G2E3: variants seen among roughly 807,000 people sequenced by gnomAD.
The protein encoded by G2E3 is G2/M-phase specific E3 ubiquitin protein ligase.
Under a neutral mutation model 92.8 loss-of-function variants are expected in G2E3, and 35 were observed. The ratio of observed to expected loss-of-function variants is 0.38; its 90% CI spans 0.29 to 0.50. The LOEUF (loss-of-function observed/expected upper bound fraction) is 0.50. Among genes scored for constraint, G2E3 ranks in the 20% least tolerant of loss-of-function variants. G2E3 has a pLI of 0.94. For missense variants in G2E3, 554 were observed against 823.8 expected (o/e 0.67, Z 4.01); for synonymous variants, 242 against 272.4 (o/e 0.89, Z 1.10).
Position 30,605,487 on chromosome 14 carries a change from T to C in G2E3, c.1011-18T>C, listed in dbSNP as rs935440743. ...ACTTTAAAGTACTTATCTCTATATT[T>C]AAATTCATGTTTTATAGGCAAGGCA... On this transcript the variant is annotated intron_variant, in intron 10 of 14. Transcript: ENST00000206595. 1.9e-6 allele frequency: 2 copies of C among 1,047,430 alleles called. No homozygotes were observed. The highest frequency in any genetic ancestry group is 2.1e-4 in the Middle Eastern group (1 of 4,678). The allele number at this position is 1,047,430 out of a possible 1,614,324, so 64.9% of individuals were successfully genotyped here.
At position 30,615,302 on chromosome 14, in the gene G2E3, C is replaced by T. The variant is rs1286457716; in HGVS notation, c.1674-47C>T. 7 of 948,450 alleles carry T rather than the reference C, an allele frequency of 7.4e-6. No individual in the cohort carries two copies. In the South Asian group the frequency reaches 1.1e-4, roughly 15 times the overall value. 58.8% of individuals were successfully genotyped at this position (948,450 alleles called of 1,614,324 possible). A position where few individuals can be genotyped will look rare whatever the true frequency, so the allele number is the denominator to read the frequency against. Reference sequence around the variant, plus strand: ...CTGGAAATATTCCCTAATATAATACCAAACACACATGTATGAATGTTGGCT... The same window carrying T: ...CTGGAAATATTCCCTAATATAATACTAAACACACATGTATGAATGTTGGCT... On this transcript the variant is annotated intron_variant, in intron 13 of 14. Transcript: ENST00000206595.
Position 30,602,077 on chromosome 14 carries a change from C to G in G2E3, c.956C>G (p.Ser319Ter). The change falls in exon 10 of 15, where the codon TCA (serine) becomes TGA (stop). Residue 319 changes from serine to a stop codon, truncating the protein, a stop_gained. Coordinates refer to ENST00000206595, the MANE Select transcript of G2E3 (RefSeq NM_017769.5). LOFTEE classifies it high-confidence loss of function. ...ATTACAGATTGTTTGTTGGAAGAGTCATCACCTAAATTACCCAGACAGTCA... is the reference window on the plus strand; with the variant it reads ...ATTACAGATTGTTTGTTGGAAGAGTGATCACCTAAATTACCCAGACAGTCA... ...VGITDCLLEE[S>*]SPKLPRQSPG... 6.2e-7 allele frequency: 1 copy of G among 1,610,816 alleles called. No individual in the cohort carries two copies. The highest frequency in any genetic ancestry group is 1.1e-5 in the South Asian group (1 of 90,976).
intron 1 of G2E3, chr14:30,580,857 T>C: frequency 4.3e-6 from 2 of 465,166 alleles, no homozygotes; most frequent in South Asian, 2.5e-5. Context: ...CTTAATTGTT[T>C]TGACAGCTAA....
chr14:30,598,340 TTG>T, intron 7 of G2E3, 141 bp from the exon 8 acceptor site: 5 of 561,686 alleles, frequency 8.9e-6, no homozygotes, highest in South Asian at 2.0e-5. Flanking sequence ...TGACCTGAGA[TTG>T]CACCACTGTA....
At chr14:30,608,269 G>A (rs968228572) in intron 12 of G2E3, among the ~76,000 whole-genome samples, 200 bp downstream of exon 12, 5 of 152,150 alleles carry the variant, frequency 3.3e-5, no homozygotes, top group Admixed American at 6.5e-5. Flanking sequence ...AAAGTGCCAC[G>A]TTTAATGTTG....
chr14:30,599,950 A>T (rs1881485493), intron 8 of G2E3, among the ~76,000 whole-genome samples: 1 of 152,136 alleles, frequency 6.6e-6, no homozygotes. Flanking sequence ...ACTCTTTTGT[A>T]ATGTCAGTGG....
intron 1 of G2E3, among the ~76,000 whole-genome samples, chr14:30,571,724 T>C (rs1001074091): frequency 6.6e-6 from 1 of 152,120 alleles, no homozygotes; most frequent in Non-Finnish European, 1.5e-5. Context: ...AAAGCAATTG[T>C]CTGGGTCTGT....
chr14:30,597,396 T>A (rs1320975168), intron 6 of G2E3, 24 bp from the exon 7 acceptor site: 3 of 1,119,268 alleles, frequency 2.7e-6, no homozygotes, highest in Non-Finnish European at 4.1e-6. Context: ...TCATTAACAG[T>A]AGACTTTTTA....
intron 7 of G2E3, 149 bp downstream of exon 7, chr14:30,597,675 TG>T (rs1881356580): frequency 1.7e-6 from 1 of 605,548 alleles, no homozygotes; most frequent in Admixed American, 3.1e-5. Flanking sequence ...CTCCCCCACA[TG>T]GCCAGTTCTT....
intron 1 of G2E3, among the ~76,000 whole-genome samples, chr14:30,578,836 G>A (rs1261472300): frequency 6.6e-6 from 1 of 151,994 alleles, no homozygotes; most frequent in Admixed American, 6.6e-5. Flanking sequence ...ATTTTAAGAT[G>A]GACTCAACCC....
At chr14:30,561,890 A>G (rs190147614) in intron 1 of G2E3, among the ~76,000 whole-genome samples, 32 of 151,832 alleles carry the variant, frequency 2.1e-4, no homozygotes, top group Admixed American at 7.2e-4. Flanking sequence ...AGATGATAGC[A>G]TATAATTCTG....
intron 1 of G2E3, among the ~76,000 whole-genome samples, chr14:30,568,389 G>A (rs948675638): frequency 1.3e-4 from 20 of 152,104 alleles, no homozygotes; most frequent in Non-Finnish European, 2.1e-4. Flanking sequence ...TAATTGGAGC[G>A]TGTAATTCAT....
intron 1 of G2E3, among the ~76,000 whole-genome samples, chr14:30,561,205 C>T (rs531455568): frequency 6.6e-6 from 1 of 152,300 alleles, no homozygotes; most frequent in South Asian, 2.1e-4. Flanking sequence ...TACAATATCG[C>T]TGAGGTAGTT....
chr14:30,601,962 A>T, intron 9 of G2E3, 37 bp from the exon 10 acceptor site: 11 of 1,605,962 alleles, frequency 6.8e-6, no homozygotes, highest in Non-Finnish European at 6.8e-6. Flanking sequence ...TTTTACCTAT[A>T]TCTCTATTAT....
At chr14:30,560,715 G>A (rs916582587) in intron 1 of G2E3, 5 of 660,604 alleles carry the variant, frequency 7.6e-6, no homozygotes, top group South Asian at 3.3e-5. Context: ...GTGAGTTTCA[G>A]AATTTATTGT....
intron 1 of G2E3, among the ~76,000 whole-genome samples, chr14:30,567,538 CT>C (rs1473066589): frequency 6.6e-6 from 1 of 151,638 alleles, no homozygotes; most frequent in Non-Finnish European, 1.5e-5. Context: ...TGAGTCTTCT[CT>C]TTTTTTTCTC....
chr14:30,602,862 T>G (rs1481672738), intron 10 of G2E3: 1 of 152,158 alleles, frequency 6.6e-6, no homozygotes, highest in Non-Finnish European at 1.5e-5. Context: ...TCCTCCCACC[T>G]TTGCCTCCCA....
chr14:30,596,640 T>C lies in G2E3; in HGVS notation c.529-780T>C, dbSNP rs750448018. On this transcript the variant is annotated intron_variant, in intron 6 of 14. Transcript: ENST00000206595. ...TTATCAGTATAGACTTAGGTACTCC[T>C]TCTTGTTTCTTTCATGTGTATACTT... is the stretch of plus-strand genomic sequence containing the variant. Among the ~76,000 whole-genome samples, 158 of 152,214 alleles carry C rather than the reference T, an allele frequency of 1.0e-3. 2 individuals carry two copies. Among genetic ancestry groups the C allele is most frequent in the Admixed American group, 2.0e-3 (31 of 15,276 alleles).
At chr14:30,592,681 G>A (rs1881080558) in intron 5 of G2E3, among the ~76,000 whole-genome samples, 1 of 144,354 alleles carries the variant, frequency 6.9e-6, no homozygotes, top group African/African-American at 2.6e-5. Flanking sequence ...TCAATTTTCA[G>A]CTTTTGGATA....
Sources: allele counts gnomAD v4.1 joint callset (sites outside exome capture counted in the v4.1 genomes callset), GRCh38; gene constraint gnomAD v4.1.1; transcripts MANE v1.5; gene names NCBI Gene and HGNC (gene_info 2026-07-23, HGNC 2026-07-21).